Variants in CLNK observed in about 807,000 individuals in gnomAD.
CLNK encodes the protein cytokine dependent hematopoietic cell linker.
A neutral mutation model predicts 68.6 loss-of-function variants in CLNK; 74 were observed. The ratio of observed to expected loss-of-function variants is 1.08; its 90% CI spans 0.89 to 1.31. CLNK has a LOEUF of 1.31. Among genes scored for constraint, CLNK ranks in the 50% most tolerant of loss-of-function variants. The pLI is 0.00. For missense variants in CLNK, 553 were observed against 515.3 expected (o/e 1.07, Z -0.71); for synonymous variants, 198 against 172.2 (o/e 1.15, Z -1.17).
intron 5 of CLNK, among the ~76,000 whole-genome samples, chr4:10,567,699 A>G (rs1370415777): frequency 3.3e-5 from 5 of 152,248 alleles, no homozygotes; most frequent in Non-Finnish European, 7.3e-5. Flanking sequence ...AATCCAGAGT[A>G]TATGAAAAAC....
intron 2 of CLNK, among the ~76,000 whole-genome samples, chr4:10,652,091 A>G (rs968950520): frequency 2.6e-5 from 4 of 152,076 alleles, no homozygotes; most frequent in Non-Finnish European, 5.9e-5. Flanking sequence ...TAGTTAAAAG[A>G]CATTTGAGGC....
chr4:10,674,312 C>T (rs548741205), intron 1 of CLNK, among the ~76,000 whole-genome samples: 1 of 152,282 alleles, frequency 6.6e-6, no homozygotes, highest in South Asian at 2.1e-4. Flanking sequence ...ATGATGCCAG[C>T]TTATTTCTCC....
chr4:10,722,582 C>T, the CLNK span, among the ~76,000 whole-genome samples: 10 of 152,286 alleles, frequency 6.6e-5, no homozygotes, highest in African/African-American at 2.2e-4. Context: ...TTGAGGGTGT[C>T]CAGGTTTTTG....
At chr4:10,656,603 G>A (rs1424964499) in intron 2 of CLNK, 1 of 152,132 alleles carries the variant, frequency 6.6e-6, no homozygotes, top group Non-Finnish European at 1.5e-5. Context: ...ACACTTGTGG[G>A]TAGAAAGCAT....
chr4:10,515,764 A>G (rs377693994), intron 15 of CLNK, among the ~76,000 whole-genome samples: 10 of 152,366 alleles, frequency 6.6e-5, no homozygotes, highest in African/African-American at 1.9e-4. Context: ...AAGATATTAC[A>G]TAATAGCATA....
chr4:10,568,553 G>A (rs1720213961), intron 5 of CLNK, among the ~76,000 whole-genome samples: 3 of 152,130 alleles, frequency 2.0e-5, no homozygotes, highest in South Asian at 2.1e-4. Flanking sequence ...AGAAGAGGAA[G>A]TCAGAGAAAG....
intron 11 of CLNK, 90 bp downstream of exon 11, chr4:10,540,404 C>T: frequency 2.1e-6 from 2 of 935,154 alleles, no homozygotes; most frequent in Non-Finnish European, 1.7e-6. Flanking sequence ...GGAGCCTGCT[C>T]TGAAAGGTAC....
chr4:10,619,918 G>A (rs1028112055), intron 2 of CLNK, among the ~76,000 whole-genome samples: 1 of 152,072 alleles, frequency 6.6e-6, no homozygotes, highest in Non-Finnish European at 1.5e-5. Flanking sequence ...CTCAAAGCCC[G>A]GGGCGTTTTC....
At chr4:10,583,465 T>C (rs1467603117) in intron 4 of CLNK, among the ~76,000 whole-genome samples, 2 of 152,024 alleles carry the variant, frequency 1.3e-5, no homozygotes, top group Non-Finnish European at 2.9e-5. Context: ...TTTAGTATTT[T>C]TAGTAGAGAT....
intron 10 of CLNK, among the ~76,000 whole-genome samples, chr4:10,541,768 A>C (rs1387573891): frequency 6.6e-6 from 1 of 152,200 alleles, no homozygotes; most frequent in African/African-American, 2.4e-5. Context: ...GAATACATTC[A>C]TTGAGAAATG....
chr4:10,640,838 G>T (rs1188304142), intron 2 of CLNK, among the ~76,000 whole-genome samples: 4 of 152,186 alleles, frequency 2.6e-5, no homozygotes, highest in African/African-American at 4.8e-5. Flanking sequence ...CCTACTTATA[G>T]GCAGATGAAA....
At chr4:10,509,502 C>G (rs1057441846) in intron 16 of CLNK, among the ~76,000 whole-genome samples, 2 of 150,552 alleles carry the variant, frequency 1.3e-5, no homozygotes, top group Non-Finnish European at 2.9e-5. Flanking sequence ...TCTTTTGCAT[C>G]AAGATTGGGA....
At chr4:10,571,414 A>G (rs1353619651) in intron 5 of CLNK, among the ~76,000 whole-genome samples, 15 of 136,672 alleles carry the variant, frequency 1.1e-4, no homozygotes, top group Admixed American at 7.5e-4. Context: ...GGCTCACTGC[A>G]GCCTCTGCCT....
the CLNK span, among the ~76,000 whole-genome samples, chr4:10,694,539 T>G: frequency 6.6e-6 from 1 of 152,186 alleles, no homozygotes; most frequent in African/African-American, 2.4e-5. Context: ...CCATATCCAG[T>G]GCAGTAACAT....
intron 2 of CLNK, among the ~76,000 whole-genome samples, chr4:10,616,150 A>G (rs767781034): frequency 2.0e-5 from 3 of 152,350 alleles, no homozygotes; most frequent in Non-Finnish European, 2.9e-5. Flanking sequence ...TCTTGATGTT[A>G]TCTACATCTA....
In CLNK at chr4:10,602,743, G is replaced by A. The variant is rs563505233; in HGVS notation, c.12-4694C>T. On this transcript the variant is annotated intron_variant, in intron 2 of 18. Coordinates refer to ENST00000226951, the MANE Select transcript of CLNK (RefSeq NM_052964.4). ...AAACATCTCTTCTGTCCCAAGAGAC[G>A]AAAAAATGAATCAGACTCCCATCCA... 3.9e-5 allele frequency among the ~76,000 whole-genome samples: 6 copies of A among 152,256 alleles called. No individual in the cohort carries two copies. The South Asian group carries it at 8.3e-4, about 21-fold the overall frequency.
chr4:10,603,674 C>T (rs949884603), intron 2 of CLNK, among the ~76,000 whole-genome samples: 3 of 152,194 alleles, frequency 2.0e-5, no homozygotes, highest in Admixed American at 2.0e-4. Flanking sequence ...CCTCAGCGGC[C>T]CCCACGGGGA....
intron 15 of CLNK, among the ~76,000 whole-genome samples, chr4:10,516,914 T>C (rs886865681): frequency 6.6e-6 from 1 of 152,242 alleles, no homozygotes; most frequent in Non-Finnish European, 1.5e-5. Context: ...TGTATCAAAA[T>C]ATTTGTTGCA....
the CLNK span, among the ~76,000 whole-genome samples, chr4:10,705,809 T>C: frequency 3.3e-5 from 5 of 152,214 alleles, no homozygotes; most frequent in Non-Finnish European, 7.3e-5. Flanking sequence ...ATAAACATCT[T>C]TGGGGACTGC....
Sources: gnomAD v4.1 joint callset for allele counts (sites outside exome capture counted in the v4.1 genomes callset) on GRCh38, gnomAD v4.1.1 for gene constraint, MANE v1.5 for transcripts, NCBI Gene and HGNC (gene_info 2026-07-23, HGNC 2026-07-21) for gene names.